COL25A1: variants seen among roughly 807,000 people sequenced by gnomAD.
The protein encoded by COL25A1 is collagen type XXV alpha 1 chain.
In COL25A1, 103 loss-of-function variants were observed where a neutral mutation model predicts 128.4. The ratio of observed to expected loss-of-function variants is 0.80; its 90% CI spans 0.68 to 0.94. The LOEUF (loss-of-function observed/expected upper bound fraction) is 0.94. Among genes scored for constraint, COL25A1 ranks in the 40% least tolerant of loss-of-function variants. The probability of loss-of-function intolerance (pLI) is 0.00; values close to 1 mark genes in which losing one functional copy is unlikely to be tolerated. For synonymous variants in COL25A1, 279 were observed against 277.2 expected (o/e 1.01, Z -0.06); for missense variants, 745 against 840.0 (o/e 0.89, Z 1.40).
chr4:109,301,059 G>T (rs1318810364), intron 2 of COL25A1, among the ~76,000 whole-genome samples: 2 of 152,030 alleles, frequency 1.3e-5, no homozygotes, highest in African/African-American at 2.4e-5. Context: ...TGCCAAATAG[G>T]CTCCCGGCTA....
At chr4:109,018,841 G>A (rs1560548523) in intron 5 of COL25A1, among the ~76,000 whole-genome samples, 2 of 152,160 alleles carry the variant, frequency 1.3e-5, no homozygotes, top group African/African-American at 2.4e-5. Flanking sequence ...CAAAATGTAG[G>A]TTCTCAATCT....
At chr4:109,200,238 G>A (rs1776441841) in intron 3 of COL25A1, among the ~76,000 whole-genome samples, 1 of 152,168 alleles carries the variant, frequency 6.6e-6, no homozygotes, top group African/African-American at 2.4e-5. Flanking sequence ...CTGCTGGTGA[G>A]ACACTTCCTT....
chr4:108,811,127 A>T lies in COL25A1; in HGVS notation c.*2800T>A, dbSNP rs192838730. ...TATTATCTATCAACACATATCAACA[A>T]ACACAATTCTTTCATTCACTTAGAA... On this transcript the variant is annotated 3_prime_UTR_variant, in exon 38 of 38. Coordinates refer to ENST00000399132, the MANE Select transcript of COL25A1 (RefSeq NM_198721.4). 8.5e-5 allele frequency: 13 copies of T among 152,202 alleles called. No homozygotes were observed. Among genetic ancestry groups the T allele is most frequent in the African/African-American group, 2.6e-4 (11 of 41,566 alleles). The allele number at this position is 152,202 out of a possible 1,614,324, so 9.4% of individuals were successfully genotyped here. A position where few individuals can be genotyped will look rare whatever the true frequency, so the allele number is the denominator to read the frequency against.
chr4:108,950,658 T>C (rs904682011), intron 8 of COL25A1, among the ~76,000 whole-genome samples: 3 of 152,196 alleles, frequency 2.0e-5, no homozygotes, highest in Admixed American at 6.5e-5. Context: ...GTTCTTCAAC[T>C]TGGGCAAGGT....
intron 3 of COL25A1, among the ~76,000 whole-genome samples, chr4:109,236,496 T>TA (rs1429322381): frequency 1.3e-5 from 2 of 151,998 alleles, no homozygotes; most frequent in Non-Finnish European, 2.9e-5. Flanking sequence ...TCATAAAACT[T>TA]AAGAGTACAA....
chr4:109,258,311 A>G (rs1030259842), intron 3 of COL25A1, among the ~76,000 whole-genome samples: 1 of 152,230 alleles, frequency 6.6e-6, no homozygotes, highest in Non-Finnish European at 1.5e-5. Flanking sequence ...TTCACTGCCT[A>G]TATGCATTTT....
chr4:108,913,329 T>A (rs1304946366), intron 13 of COL25A1, among the ~76,000 whole-genome samples: 1 of 139,406 alleles, frequency 7.2e-6, no homozygotes, highest in African/African-American at 2.5e-5. Flanking sequence ...TGAAATGGCA[T>A]GATCTTGGCT....
At chr4:108,909,165 A>T (rs1296250098) in intron 13 of COL25A1, among the ~76,000 whole-genome samples, 1 of 152,198 alleles carries the variant, frequency 6.6e-6, no homozygotes. Flanking sequence ...AAAATCCAAG[A>T]CTAGTTCAAC....
chr4:108,862,466 T>G, intron 22 of COL25A1, 35 bp downstream of exon 22: 1 of 1,537,082 alleles, frequency 6.5e-7, no homozygotes, highest in Non-Finnish European at 9.0e-7. Flanking sequence ...CTTGAAGGCC[T>G]CATGTTATAT....
intron 3 of COL25A1, among the ~76,000 whole-genome samples, chr4:109,069,192 T>C (rs112521187): frequency 2.6e-5 from 4 of 151,898 alleles, no homozygotes; most frequent in African/African-American, 9.6e-5. Flanking sequence ...CAATTTAAAA[T>C]TAACAATACC....
At chr4:108,856,572 T>C (rs2125782838) in intron 24 of COL25A1, among the ~76,000 whole-genome samples, 1 of 152,242 alleles carries the variant, frequency 6.6e-6, no homozygotes, top group Middle Eastern at 3.4e-3. Context: ...ACTAGAGCAC[T>C]ATGTTAGGGA....
chr4:109,209,336 A>C (rs111386044), intron 3 of COL25A1, among the ~76,000 whole-genome samples: 4 of 174 alleles, frequency 0.023, no homozygotes, highest in Non-Finnish European at 0.031. Flanking sequence ...TAATGCCAGA[A>C]AAAAAAAATG....
At chr4:108,986,070 T>C (rs540078486) in intron 6 of COL25A1, among the ~76,000 whole-genome samples, 5 of 152,360 alleles carry the variant, frequency 3.3e-5, no homozygotes, top group African/African-American at 1.2e-4. Context: ...CCAAGTCCTA[T>C]AGATTTCATT....
rs140995520 is a variant in COL25A1, at chr4:109,013,184, C to T, written c.421-2809G>A. ...CTGTGTCTAGCTCAAAGTTTGTAAA[C>T]GCACCAATCAGTGCTCTGTGTCTAG... is the stretch of plus-strand genomic sequence containing the variant. On this transcript the variant is annotated intron_variant, in intron 5 of 37. Transcript: ENST00000399132. 8.9e-3 allele frequency among the ~76,000 whole-genome samples: 1,346 copies of T among 151,772 alleles called. 61 individuals carry two copies. In the East Asian group the frequency reaches 0.15, roughly 17 times the overall value.
At chr4:109,150,023 T>C (rs1001808254) in intron 3 of COL25A1, among the ~76,000 whole-genome samples, 1 of 151,366 alleles carries the variant, frequency 6.6e-6, no homozygotes, top group African/African-American at 2.4e-5. Context: ...TATGTATCTG[T>C]GTGTATGTGT....
In COL25A1 at chr4:109,038,026, T is replaced by C. The variant is rs566776061; in HGVS notation, c.420+10142A>G. The stretch of plus-strand genomic sequence containing the variant: ...TTACAGAGAGAGGAGAAGAAAGCCA[T>C]GAAAGACAAGTGTGAAGGTACATCT... On this transcript the variant is annotated intron_variant, in intron 5 of 37. Coordinates refer to ENST00000399132, the MANE Select transcript of COL25A1 (RefSeq NM_198721.4). Among the ~76,000 whole-genome samples, 9 of 152,220 alleles carry C rather than the reference T, an allele frequency of 5.9e-5. No homozygotes were observed. The South Asian group carries it at 1.5e-3, about 25-fold the overall frequency.
At chr4:109,030,629 A>G (rs1758755399) in intron 5 of COL25A1, among the ~76,000 whole-genome samples, 1 of 152,220 alleles carries the variant, frequency 6.6e-6, no homozygotes, top group African/African-American at 2.4e-5. Flanking sequence ...CTGTATGGGA[A>G]CTTTGAGGTA....
chr4:108,870,557 G>A (rs2125811929), intron 19 of COL25A1, among the ~76,000 whole-genome samples: 1 of 152,022 alleles, frequency 6.6e-6, no homozygotes, highest in Non-Finnish European at 1.5e-5. Flanking sequence ...CTATTAGAAA[G>A]GAGAATCTGA....
At chr4:108,947,065 A>G (rs1210334314) in intron 8 of COL25A1, among the ~76,000 whole-genome samples, 2 of 152,176 alleles carry the variant, frequency 1.3e-5, no homozygotes, top group Admixed American at 1.3e-4. Flanking sequence ...GGTAGTTATG[A>G]ATCATGAATT....
Sources: gnomAD v4.1 joint callset for allele counts (sites outside exome capture counted in the v4.1 genomes callset) on GRCh38, gnomAD v4.1.1 for gene constraint, MANE v1.5 for transcripts, NCBI Gene and HGNC (gene_info 2026-07-23, HGNC 2026-07-21) for gene names.